The following SGCD variants were observed in gnomAD, a reference collection of about 807,000 sequenced individuals.
SGCD encodes the protein sarcoglycan delta.
In SGCD, 18 loss-of-function variants were observed where a neutral mutation model predicts 36.6. The ratio of observed to expected loss-of-function variants is 0.49; its 90% CI spans 0.34 to 0.73. The LOEUF is 0.73. Among genes scored for constraint, SGCD ranks in the 30% least tolerant of loss-of-function variants. SGCD has a pLI of 0.01. For missense variants in SGCD, 387 were observed against 346.7 expected, an observed-to-expected ratio of 1.12 and a Z score of -0.92; for synonymous variants, 133 against 130.6, an observed-to-expected ratio of 1.02 and a Z score of -0.12.
At chr5:156,067,484 C>CGGCT (rs1554115873) in intron 1 of SGCD, among the ~76,000 whole-genome samples, 2 of 70,582 alleles carry the variant, frequency 2.8e-5, no homozygotes, top group Admixed American at 2.7e-4. Flanking sequence ...TCGAGCTTCC[C>CGGCT]GGCTGCTTTG....
At chr5:155,833,053 C>CAAAAAAAAAA in the SGCD span, among the ~76,000 whole-genome samples, 8 of 90,312 alleles carry the variant, frequency 8.9e-5, no homozygotes, top group African/African-American at 1.6e-4. Context: ...ACTAAAAATA[C>CAAAAAAAAAA]GAAAAAAAAA....
intron 1 of SGCD, among the ~76,000 whole-genome samples, chr5:156,101,451 G>A (rs974264884): frequency 3.3e-5 from 5 of 152,182 alleles, no homozygotes; most frequent in African/African-American, 9.7e-5. Context: ...TGAGTCTGGT[G>A]CAGAGAATAT....
intron 1 of SGCD, among the ~76,000 whole-genome samples, chr5:156,074,718 G>A (rs114358224): frequency 6.6e-6 from 1 of 152,158 alleles, no homozygotes; most frequent in African/African-American, 2.4e-5. Flanking sequence ...TTTAAAAGGG[G>A]AATTTATCTG....
intron 3 of SGCD, among the ~76,000 whole-genome samples, chr5:156,281,114 G>A (rs1185530725): frequency 6.6e-6 from 1 of 152,096 alleles, no homozygotes; most frequent in African/African-American, 2.4e-5. Flanking sequence ...TAAGTGAGAG[G>A]GAAATGGAAA....
intron 1 of SGCD, among the ~76,000 whole-genome samples, chr5:155,900,418 G>A (rs1020172129): frequency 2.6e-5 from 4 of 151,424 alleles, no homozygotes; most frequent in African/African-American, 9.8e-5. Context: ...TTTGCAACTA[G>A]CTTTTTTTTA....
At chr5:155,854,248 C>CT in the SGCD span, among the ~76,000 whole-genome samples, 1 of 152,118 alleles carries the variant, frequency 6.6e-6, no homozygotes, top group African/African-American at 2.4e-5. Context: ...CCAGAAGCAC[C>CT]TTTTTTTCCA....
chr5:156,417,580 C>A (rs991238043), intron 3 of SGCD, among the ~76,000 whole-genome samples: 1 of 152,136 alleles, frequency 6.6e-6, no homozygotes, highest in Non-Finnish European at 1.5e-5. Context: ...CAAGGTCTGG[C>A]AGCATTTGAT....
chr5:155,949,428 T>C (rs1194263844), intron 1 of SGCD, among the ~76,000 whole-genome samples: 1 of 152,208 alleles, frequency 6.6e-6, no homozygotes, highest in Admixed American at 6.5e-5. Flanking sequence ...GGAACAAAAC[T>C]GTGAGTTAGG....
the SGCD span, among the ~76,000 whole-genome samples, chr5:155,791,303 A>G: frequency 1.3e-3 from 199 of 152,240 alleles, no homozygotes; most frequent in East Asian, 0.019. Flanking sequence ...GAGGAACTTC[A>G]AAATACAGCC....
At chr5:156,078,520 A>T (rs187051084) in intron 1 of SGCD, among the ~76,000 whole-genome samples, 14,865 of 125,420 alleles carry the variant, frequency 0.12, 970 homozygotes, top group African/African-American at 0.19. Context: ...CAAAAAAAAA[A>T]ATATATATAT....
the SGCD span, among the ~76,000 whole-genome samples, chr5:155,784,147 G>A: frequency 3.9e-5 from 6 of 152,168 alleles, no homozygotes; most frequent in Non-Finnish European, 8.8e-5. Flanking sequence ...GCTGGCAGAA[G>A]CCTGGGGTAC....
intron 6 of SGCD, among the ~76,000 whole-genome samples, chr5:156,635,674 GCACCTATACA>G (rs894528166): frequency 5.3e-5 from 8 of 152,088 alleles, no homozygotes; most frequent in African/African-American, 1.9e-4. Flanking sequence ...AGAAAATGTG[GCACCTATACA>G]CCATGGAATA....
chr5:156,681,040 T>C lies in SGCD; in HGVS notation c.575+33504T>C, dbSNP rs886623865. Among the ~76,000 whole-genome samples the C allele has an allele frequency of 7.9e-5, 12 of 152,102 alleles. 2 individuals carry two copies. Among genetic ancestry groups the C allele is most frequent in the Admixed American group, 7.2e-4 (11 of 15,280 alleles). ...AGGCTCTCTGTGGGCCCTGCAGCAG[T>C]GTCCAAGCATGGTATAGCCAAAGGT... is the stretch of plus-strand genomic sequence containing the variant. On this transcript the variant is annotated intron_variant, in intron 7 of 8. Transcript: ENST00000337851.
chr5:156,177,024 C>G (rs1377904780), intron 3 of SGCD, among the ~76,000 whole-genome samples: 1 of 152,050 alleles, frequency 6.6e-6, no homozygotes, highest in Non-Finnish European at 1.5e-5. Flanking sequence ...TTTTTTGAAG[C>G]AGAGTCTTGC....
chr5:156,094,992 CA>C (rs368974803), intron 1 of SGCD, among the ~76,000 whole-genome samples: 19 of 147,114 alleles, frequency 1.3e-4, no homozygotes, highest in African/African-American at 3.2e-4. Context: ...GACTCCATCT[CA>C]AAAAAAAAAG....
At chr5:156,224,916 G>A (rs1764811943) in intron 3 of SGCD, among the ~76,000 whole-genome samples, 1 of 152,060 alleles carries the variant, frequency 6.6e-6, no homozygotes, top group Non-Finnish European at 1.5e-5. Context: ...CCTCAGTTTA[G>A]AGTTTTAAGA....
chr5:155,852,057 C>A, the SGCD span, among the ~76,000 whole-genome samples: 1 of 152,172 alleles, frequency 6.6e-6, no homozygotes, highest in Non-Finnish European at 1.5e-5. Flanking sequence ...ATGAAGGAAC[C>A]CCTGTCGTGG....
intron 3 of SGCD, among the ~76,000 whole-genome samples, chr5:156,208,421 C>T (rs1764347454): frequency 6.6e-6 from 1 of 152,160 alleles, no homozygotes; most frequent in Admixed American, 6.5e-5. Context: ...GGTTGACTGC[C>T]AGGAACTAGC....
intron 6 of SGCD, among the ~76,000 whole-genome samples, chr5:156,608,475 A>G (rs1476337958): frequency 9.9e-5 from 15 of 152,192 alleles, no homozygotes; most frequent in South Asian, 2.1e-4. Flanking sequence ...TATGTGGTCA[A>G]TTTTGGAACA....
Sources: allele counts gnomAD v4.1 joint callset (sites outside exome capture counted in the v4.1 genomes callset), GRCh38; gene constraint gnomAD v4.1.1; transcripts MANE v1.5; gene names NCBI Gene and HGNC (gene_info 2026-07-23, HGNC 2026-07-21).